CD36: variants seen among roughly 807,000 people sequenced by gnomAD.
CD36 encodes platelet glycoprotein 4.
In CD36, 119 loss-of-function variants were observed where a neutral mutation model predicts 55.2. The ratio of observed to expected loss-of-function variants is 2.15; its 90% CI spans 1.86 to 2.51. CD36 has a LOEUF of 2.51. CD36 is among the 30% of genes most tolerant of loss of function. The probability of loss-of-function intolerance (pLI) is 0.00; values close to 1 mark genes in which losing one functional copy is unlikely to be tolerated. For missense variants in CD36, 819 were observed against 555.5 expected (o/e 1.47, Z -4.77); for synonymous variants, 186 against 193.6 (o/e 0.96, Z 0.33).
chr7:80,646,043 C>A (rs1795145005), intron 1 of CD36, 45 bp from the exon 2 acceptor site: 1 of 22,522 alleles, frequency 4.4e-5, no homozygotes, highest in Admixed American at 7.5e-4. Flanking sequence ...TATAAAATTT[C>A]TGAGAATTTT....
In CD36 at chr7:80,664,427, G is replaced by C. The variant is rs935598569; in HGVS notation, c.631G>C (p.Val211Leu). The change falls in exon 7 of 15, where the codon GTT becomes CTT. Residue 211 changes from valine to leucine, a missense_variant. Physicochemically the swap from Val to Leu is conservative, Grantham distance 32. Coordinates refer to ENST00000447544, the MANE Select transcript of CD36 (RefSeq NM_001001548.3). ...TCAGTACAACAATACTGCAGATGGA[G>C]TTTATAAAGTTTTCAATGGAAAAGA... ...FYPYNNTADG[V>L]YKVFNGKDNI... is the part of the protein sequence containing the mutation. 1.3e-6 allele frequency: 2 copies of C among 1,568,296 alleles called. No individual in the cohort carries two copies. Among genetic ancestry groups the C allele is most frequent in the East Asian group, 2.2e-5 (1 of 44,538 alleles).
In CD36 at chr7:80,671,164, G is replaced by A. The variant is rs750187438; in HGVS notation, c.1006G>A (p.Gly336Arg). ...GVLDISKCKE[G>R]RPVYISLPHF... ...GCTAGACATCAGCAAATGCAAAGAA[G>A]GTGAGTAAATAACCTCAGTAGCACA... is the stretch of plus-strand genomic sequence containing the variant. Residue 336 changes from glycine to arginine, a missense_variant and splice_region_variant, in exon 10 of 15, where the codon GGG becomes AGG. Coordinates refer to ENST00000447544, the MANE Select transcript of CD36 (RefSeq NM_001001548.3). The A allele has an allele frequency of 4.4e-6, 7 of 1,598,944 alleles. No individual in the cohort carries two copies. The African/African-American group carries it at 8.1e-5, about 18-fold the overall frequency.
intron 3 of CD36, 115 bp from the exon 4 acceptor site, chr7:80,656,425 T>G: frequency 1.7e-5 from 14 of 814,644 alleles, no homozygotes; most frequent in African/African-American, 3.4e-5. Flanking sequence ...TTCTCATGAA[T>G]GAGGTACTTG....
chr7:80,658,043 T>C (rs771242452), intron 4 of CD36, among the ~76,000 whole-genome samples: 2 of 152,210 alleles, frequency 1.3e-5, no homozygotes, highest in Non-Finnish European at 2.9e-5. Context: ...ACATGACATA[T>C]AAGCCCCAGA....
chr7:80,619,990 C>T (rs1458186970), intron 1 of CD36, among the ~76,000 whole-genome samples: 1 of 152,124 alleles, frequency 6.6e-6, no homozygotes, highest in Non-Finnish European at 1.5e-5. Context: ...GGAGAAGTAG[C>T]TTTTCTAATT....
chr7:80,669,776 C>T (rs757575961), intron 8 of CD36, among the ~76,000 whole-genome samples, 177 bp from the exon 9 acceptor site: 13 of 152,184 alleles, frequency 8.5e-5, no homozygotes, highest in Non-Finnish European at 1.8e-4. Context: ...GGCTTGCAGG[C>T]ATGAGCCAGC....
chr7:80,664,577 G>T (rs1796858176), intron 7 of CD36, 80 bp downstream of exon 7: 1 of 829,070 alleles, frequency 1.2e-6, no homozygotes, highest in Non-Finnish European at 2.1e-6. Flanking sequence ...CATCTCATAA[G>T]ACATAGGCAT....
At chr7:80,659,089 A>G (rs1372824267) in intron 4 of CD36, among the ~76,000 whole-genome samples, 3 of 152,192 alleles carry the variant, frequency 2.0e-5, no homozygotes, top group Non-Finnish European at 2.9e-5. Context: ...TTGTCTCAGC[A>G]TGTCACCAAA....
At chr7:80,667,752 T>G (rs1003594798) in intron 8 of CD36, among the ~76,000 whole-genome samples, 75 of 110,902 alleles carry the variant, frequency 6.8e-4, no homozygotes, top group African/African-American at 1.9e-3. Flanking sequence ...CTTTTGTTTT[T>G]TTTTTTTTTT....
intron 3 of CD36, among the ~76,000 whole-genome samples, chr7:80,651,744 C>T (rs555068541): frequency 3.3e-4 from 50 of 152,056 alleles, no homozygotes; most frequent in African/African-American, 1.1e-3. Flanking sequence ...CCCATCTCTA[C>T]GAATAATACA....
At chr7:80,651,520 A>G (rs1795620728) in intron 3 of CD36, among the ~76,000 whole-genome samples, 1 of 152,078 alleles carries the variant, frequency 6.6e-6, no homozygotes. Flanking sequence ...CAATTATACC[A>G]TTTTTCCTTC....
rs1797834015 is a variant in CD36 at position 80,672,813 on chromosome 7, AC to A, written c.1171del (p.Leu391TyrfsTer12). On this transcript the variant is annotated frameshift_variant, in exon 12 of 15. Coordinates refer to ENST00000447544, the MANE Select transcript of CD36 (RefSeq NM_001001548.3). LOFTEE classifies it high-confidence loss of function. Reference protein sequence around the residue: ...TLQFAKRLQVNLLVKPSEKIQ... With the variant: ...TLQFAKRLQVXLLVKPSEKIQ... ...CAATTTGCAAAACGGCTGCAGGTCA[AC>A]CTATTGGTCAAGCCATCAGAAAAAA... The A allele has an allele frequency of 6.2e-7, 1 of 1,611,142 alleles. No homozygotes were observed. Among genetic ancestry groups the A allele is most frequent in the Non-Finnish European group, 8.5e-7 (1 of 1,178,278 alleles).
intron 1 of CD36, among the ~76,000 whole-genome samples, chr7:80,611,192 A>T (rs13222488): frequency 0.33 from 50,108 of 151,738 alleles, 8,489 homozygotes; most frequent in South Asian, 0.46. Flanking sequence ...CTTGAACAAA[A>T]TTATAATAAA....
intron 1 of CD36, among the ~76,000 whole-genome samples, chr7:80,626,585 T>C (rs907292452): frequency 1.3e-5 from 2 of 152,086 alleles, no homozygotes; most frequent in African/African-American, 4.8e-5. Flanking sequence ...TTTATGTATG[T>C]ATAGTATAAT....
At chr7:80,630,412 G>A (rs1794008780) in intron 1 of CD36, among the ~76,000 whole-genome samples, 1 of 151,792 alleles carries the variant, frequency 6.6e-6, no homozygotes, top group Admixed American at 6.6e-5. Flanking sequence ...GTACCATTTT[G>A]AAAGAAAATT....
chr7:80,627,567 T>C (rs1211641139), intron 1 of CD36, among the ~76,000 whole-genome samples: 1 of 151,634 alleles, frequency 6.6e-6, no homozygotes, highest in African/African-American at 2.4e-5. Context: ...TATCAAGGGA[T>C]CATGTGTGTT....
At chr7:80,657,788 A>C (rs1796207803) in intron 4 of CD36, among the ~76,000 whole-genome samples, 1 of 152,190 alleles carries the variant, frequency 6.6e-6, no homozygotes, top group Admixed American at 6.5e-5. Flanking sequence ...TGTTACCTAA[A>C]TGTGTATTTT....
Position 80,663,008 on chromosome 7 carries a change from C to G in CD36, c.448C>G (p.Gln150Glu). 2 of 1,612,744 alleles carry G rather than the reference C, an allele frequency of 1.2e-6. No individual in the cohort carries two copies. The highest frequency in any genetic ancestry group is 1.7e-6 in the Non-Finnish European group (2 of 1,179,060). ...LAVAAASHIY[Q>E]NQFVQMILNS... is the part of the protein sequence containing the mutation. ...TTTGTAGGCTGCATCCCATATCTATCAAAATCAATTTGTTCAAATGATCCT... is the reference window on the plus strand; with the variant it reads ...TTTGTAGGCTGCATCCCATATCTATGAAAATCAATTTGTTCAAATGATCCT... The change falls in exon 6 of 15, where the codon CAA (glutamine) becomes GAA (glutamate). Residue 150 changes from glutamine to glutamate, a missense_variant. By Grantham distance (29) the Gln-to-Glu change is conservative. Coordinates refer to ENST00000447544, the MANE Select transcript of CD36 (RefSeq NM_001001548.3).
In CD36 at chr7:80,656,679, A is replaced by T. The variant is rs772776895; in HGVS notation, c.260A>T (p.Gln87Leu). The T allele has an allele frequency of 1.9e-6, 3 of 1,613,624 alleles. No homozygotes were observed. The African/African-American group carries it at 4.0e-5, about 22-fold the overall frequency. Residue 87 changes from glutamine (Q) to leucine (L), a missense_variant, in exon 4 of 15, where the codon CAA (glutamine) becomes CTA (leucine). Gln to Leu is a moderately radical substitution (Grantham distance 113). Coordinates refer to ENST00000447544, the MANE Select transcript of CD36 (RefSeq NM_001001548.3). ...AACAGCAGCAACATTCAAGTTAAGC[A>T]AAGAGGTCCTTATACGTACAGGTGA... ...MMNSSNIQVK[Q>L]RGPYTYRVRF...
Sources: allele counts gnomAD v4.1 joint callset (sites outside exome capture counted in the v4.1 genomes callset), GRCh38; gene constraint gnomAD v4.1.1; transcripts MANE v1.5; gene names NCBI Gene and HGNC (gene_info 2026-07-23, HGNC 2026-07-21).